The following TRIO variants were observed in gnomAD, a reference collection of about 807,000 sequenced individuals.
The protein encoded by TRIO is trio Rho guanine nucleotide exchange factor.
In TRIO, 58 loss-of-function variants were observed where a neutral mutation model predicts 351.9. The observed-to-expected ratio is 0.16, with a 90% CI of 0.13 to 0.21. The LOEUF (loss-of-function observed/expected upper bound fraction) is 0.21. Among genes scored for constraint, TRIO ranks in the 10% least tolerant of loss-of-function variants. The pLI is 1.00. For synonymous variants in TRIO, 1,758 were observed against 1,595.7 expected, an observed-to-expected ratio of 1.10 and a Z score of -2.42; for missense variants, 3,201 against 4,027.8, an observed-to-expected ratio of 0.79 and a Z score of 5.56.
intron 8 of TRIO, among the ~76,000 whole-genome samples, chr5:14,308,538 C>A (rs1400259336): frequency 1.3e-5 from 2 of 151,828 alleles, no homozygotes; most frequent in Non-Finnish European, 2.9e-5. Flanking sequence ...ATTTATCCAT[C>A]CATCCACCTA....
intron 4 of TRIO, 105 bp downstream of exon 4, chr5:14,287,168 G>A (rs1183158821): frequency 2.8e-6 from 3 of 1,084,590 alleles, no homozygotes; most frequent in Non-Finnish European, 4.0e-6. Context: ...TATTAAACAG[G>A]AGCTGCATAT....
intron 1 of TRIO, among the ~76,000 whole-genome samples, chr5:14,214,571 C>T (rs374299330): frequency 7.9e-5 from 12 of 152,128 alleles, no homozygotes; most frequent in South Asian, 2.1e-4. Context: ...TAAAATCTAC[C>T]GGATGTTATT....
chr5:14,323,370 G>C (rs192443886), intron 9 of TRIO, among the ~76,000 whole-genome samples: 27 of 152,178 alleles, frequency 1.8e-4, no homozygotes, highest in Admixed American at 5.9e-4. Flanking sequence ...TGGGTCTGAG[G>C]AGGATGCCTA....
chr5:14,498,760 T>A, intron 53 of TRIO, 120 bp downstream of exon 53: 2 of 1,454,242 alleles, frequency 1.4e-6, no homozygotes, highest in Non-Finnish European at 1.9e-6. Flanking sequence ...CAATAAGTCA[T>A]TTGTGGGGCT....
chr5:14,254,773 A>AT (rs1794937772), intron 1 of TRIO, among the ~76,000 whole-genome samples: 1 of 152,294 alleles, frequency 6.6e-6, no homozygotes, highest in African/African-American at 2.4e-5. Context: ...GGGAAAATAT[A>AT]TTTTTTAAAT....
In TRIO at chr5:14,406,377, G is replaced by T; in HGVS notation, c.4860-196G>T. Reference sequence around the variant, plus strand: ...TATGGTGATGGGAATCCAACAGGATGATATGTTTTAAACACTCAGCACAGT... The same window carrying T: ...TATGGTGATGGGAATCCAACAGGATTATATGTTTTAAACACTCAGCACAGT... On this transcript the variant is annotated intron_variant, in intron 32 of 56. Coordinates refer to ENST00000344204, the MANE Select transcript of TRIO (RefSeq NM_007118.4). 3.5e-5 allele frequency: 21 copies of T among 596,040 alleles called. No homozygotes were observed. The South Asian group carries it at 4.2e-4, about 12-fold the overall frequency. 36.9% of individuals were successfully genotyped at this position (596,040 alleles called of 1,614,324 possible). A position where few individuals can be genotyped will look rare whatever the true frequency, so the allele number is the denominator to read the frequency against.
intron 30 of TRIO, among the ~76,000 whole-genome samples, chr5:14,400,232 CTCTT>C (rs1167251498): frequency 6.6e-6 from 1 of 152,224 alleles, no homozygotes; most frequent in African/African-American, 2.4e-5. Context: ...GCTTTAATCT[CTCTT>C]TAGAGACCAA....
chr5:14,316,050 T>A (rs1160210611), intron 8 of TRIO, among the ~76,000 whole-genome samples: 8 of 152,234 alleles, frequency 5.3e-5, no homozygotes, highest in Admixed American at 5.2e-4. Flanking sequence ...AACTGAGGCT[T>A]TAAGGAACAA....
intron 34 of TRIO, among the ~76,000 whole-genome samples, chr5:14,458,189 A>G (rs887738985): frequency 1.3e-5 from 2 of 152,120 alleles, no homozygotes; most frequent in Non-Finnish European, 2.9e-5. Flanking sequence ...TTGTGAATCT[A>G]TGTCAAACAA....
intron 43 of TRIO, among the ~76,000 whole-genome samples, chr5:14,480,453 A>G (rs1035675179): frequency 5.9e-5 from 9 of 152,204 alleles, no homozygotes; most frequent in African/African-American, 2.2e-4. Context: ...TGCTCTATCA[A>G]CTTTAATTAT....
At chr5:14,391,013 G>T in intron 27 of TRIO, 23 bp downstream of exon 27, 1 of 1,556,732 alleles carries the variant, frequency 6.4e-7, no homozygotes, top group South Asian at 1.2e-5. Context: ...TTCCTAAAGA[G>T]ACCATAATTT....
chr5:14,186,833 C>G lies in TRIO; in HGVS notation c.157+42951C>G, dbSNP rs371381573. ...CTTAAGGTGATCCACCTGTCTCGGC[C>G]TCCCAAAATGCTGGGATAAAAGGCA... is the stretch of plus-strand genomic sequence containing the variant. On this transcript the variant is annotated intron_variant, in intron 1 of 56. Transcript: ENST00000344204. 3.9e-4 allele frequency among the ~76,000 whole-genome samples: 59 copies of G among 152,264 alleles called. 1 individual carries two copies. In the South Asian group the frequency reaches 0.011, roughly 29 times the overall value.
chr5:14,215,785 C>T (rs750156030), intron 1 of TRIO, among the ~76,000 whole-genome samples: 1 of 152,168 alleles, frequency 6.6e-6, no homozygotes, highest in African/African-American at 2.4e-5. Flanking sequence ...GCCTAAAAAT[C>T]GAGAAACCAT....
intron 1 of TRIO, among the ~76,000 whole-genome samples, chr5:14,200,022 A>C (rs890284540): frequency 1.3e-5 from 2 of 152,156 alleles, no homozygotes; most frequent in Non-Finnish European, 2.9e-5. Context: ...TTTTCTAGTG[A>C]CTATACTAGG....
intron 1 of TRIO, among the ~76,000 whole-genome samples, chr5:14,262,188 C>G (rs957992391): frequency 2.0e-5 from 3 of 152,126 alleles, no homozygotes; most frequent in African/African-American, 7.2e-5. Context: ...ATAGGAACAC[C>G]GAGAAGTCTT....
At chr5:14,251,311 G>C (rs1216939881) in intron 1 of TRIO, among the ~76,000 whole-genome samples, 1 of 152,204 alleles carries the variant, frequency 6.6e-6, no homozygotes, top group East Asian at 1.9e-4. Context: ...TATGCCTCTA[G>C]GGACTCTCAG....
At chr5:14,492,227 T>C (rs975197464) in intron 48 of TRIO, 2 of 308,484 alleles carry the variant, frequency 6.5e-6, no homozygotes, top group Non-Finnish European at 1.2e-5. Flanking sequence ...TGCTTAGGAG[T>C]AACCTAACGT....
intron 35 of TRIO, 147 bp from the exon 36 acceptor site, chr5:14,462,608 G>A: frequency 2.6e-6 from 3 of 1,154,510 alleles, no homozygotes; most frequent in South Asian, 3.0e-5. Context: ...AGGAAGAGAG[G>A]AAAAGTTACC....
intron 9 of TRIO, among the ~76,000 whole-genome samples, chr5:14,328,893 T>C (rs1411628087): frequency 6.6e-6 from 1 of 152,110 alleles, no homozygotes; most frequent in Non-Finnish European, 1.5e-5. Context: ...ACACGTCTGA[T>C]TTCAGTGCCT....
Sources: gnomAD v4.1 joint callset for allele counts (sites outside exome capture counted in the v4.1 genomes callset) on GRCh38, gnomAD v4.1.1 for gene constraint, MANE v1.5 for transcripts, NCBI Gene and HGNC (gene_info 2026-07-23, HGNC 2026-07-21) for gene names.